MRPL34: variants seen among roughly 807,000 people sequenced by gnomAD.
The protein encoded by MRPL34 is large ribosomal subunit protein bL34m.
Under a neutral mutation model 6.7 loss-of-function variants are expected in MRPL34, and 8 were observed. The observed-to-expected ratio is 1.20, with a 90% CI of 0.70 to 2.16. The LOEUF is 2.16. Among genes scored for constraint, MRPL34 ranks in the 30% most tolerant of loss-of-function variants. The probability of loss-of-function intolerance (pLI) is 0.00; values close to 1 mark genes in which losing one functional copy is unlikely to be tolerated. For synonymous variants in MRPL34, 59 were observed against 55.1 expected (o/e 1.07, Z -0.31); for missense variants, 146 against 125.5 (o/e 1.16, Z -0.78).
upstream of MRPL34, among the ~76,000 whole-genome samples, chr19:17,299,539 G>C (rs1288176620): frequency 2.9e-5 from 4 of 139,322 alleles, no homozygotes; most frequent in African/African-American, 2.7e-5. Flanking sequence ...CCAGCCTGGG[G>C]GACAGAGTGA....
intron 1 of MRPL34, among the ~76,000 whole-genome samples, chr19:17,295,049 G>A (rs1164483156): frequency 1.3e-5 from 2 of 150,250 alleles, no homozygotes; most frequent in African/African-American, 2.5e-5. Context: ...TCAGTCTCCC[G>A]AGTAGCTGAG....
upstream of MRPL34, among the ~76,000 whole-genome samples, chr19:17,305,080 G>A (rs545822088): frequency 2.1e-4 from 32 of 152,284 alleles, no homozygotes; most frequent in Non-Finnish European, 4.0e-4. Flanking sequence ...GGGAACACCA[G>A]GCAGAGAGGA....
chr19:17,292,892 C>T (rs1373582130), intron 1 of MRPL34: 2 of 1,544,652 alleles, frequency 1.3e-6, no homozygotes, highest in Non-Finnish European at 1.8e-6. Flanking sequence ...GGCCAGGCTT[C>T]CCTGGGACTC....
upstream of MRPL34, chr19:17,300,942 G>A (rs1319639953): frequency 1.9e-6 from 3 of 1,613,620 alleles, no homozygotes; most frequent in Non-Finnish European, 2.5e-6. Flanking sequence ...CATAGAAGGT[G>A]TAGGCTGCGG....
intron 1 of MRPL34, chr19:17,297,716 T>C (rs527371334): frequency 6.6e-6 from 1 of 151,692 alleles, no homozygotes; most frequent in African/African-American, 2.4e-5. Context: ...TTCTTTTAGA[T>C]ACTTATGTAA....
intron 1 of MRPL34, chr19:17,297,659 A>C (rs1186482322): frequency 6.6e-6 from 1 of 152,154 alleles, no homozygotes; most frequent in Non-Finnish European, 1.5e-5. Flanking sequence ...ATGTTATATA[A>C]AGAAATATAA....
rs558595241 is a variant in MRPL34 at position 17,293,018 on chromosome 19, A to T, written c.214+164A>T. ...TGGCCTGTAGCCCTGCTGGAACCCAACTAGTATTCAGGCATCCAGCATTTA... is the reference window on the plus strand; with the variant it reads ...TGGCCTGTAGCCCTGCTGGAACCCATCTAGTATTCAGGCATCCAGCATTTA... On this transcript the variant is annotated intron_variant, in intron 1 of 2. Coordinates refer to the MRPL34 transcript ENST00000595444. Among the ~76,000 whole-genome samples the T allele has an allele frequency of 1.5e-3, 221 of 152,076 alleles. 2 individuals are homozygous for T. Among genetic ancestry groups the T allele is most frequent in the Middle Eastern group, 0.01 (3 of 294 alleles).
upstream of MRPL34, among the ~76,000 whole-genome samples, chr19:17,299,242 C>CCG (rs1555720802): frequency 6.1e-5 from 9 of 146,950 alleles, no homozygotes; most frequent in South Asian, 4.4e-4. Flanking sequence ...AGACCCCCCC[C>CCG]CCATTCTCTA....
At chr19:17,305,241 C>CTTTTT (rs34823570), upstream of MRPL34, among the ~76,000 whole-genome samples, 1 of 121,224 alleles carries the variant, frequency 8.2e-6, no homozygotes. Context: ...ATTTTTCTTC[C>CTTTTT]TTTTTTTTTT....
At chr19:17,302,385 A>G (rs1391849599), upstream of MRPL34, among the ~76,000 whole-genome samples, 2 of 152,218 alleles carry the variant, frequency 1.3e-5, no homozygotes, top group African/African-American at 4.8e-5. Context: ...TCATTCAGGT[A>G]TACACTAACT....
At chr19:17,300,884 G>T, upstream of MRPL34, 1 of 1,599,340 alleles carries the variant, frequency 6.3e-7, no homozygotes, top group Non-Finnish European at 8.6e-7. Flanking sequence ...AGCACATTTC[G>T]CTTCTTGGCA....
intron 1 of MRPL34, chr19:17,294,519 G>C: frequency 6.2e-7 from 1 of 1,613,558 alleles, no homozygotes; most frequent in Non-Finnish European, 8.5e-7. Flanking sequence ...TGGTGGTGGA[G>C]GCACCGCTAG....
chr19:17,295,262 C>T (rs999012465), intron 1 of MRPL34, among the ~76,000 whole-genome samples: 3 of 151,930 alleles, frequency 2.0e-5, no homozygotes, highest in African/African-American at 7.3e-5. Context: ...CCCGCCACCG[C>T]GCCCGGCTAA....
rs200349196 is a variant in MRPL34 at position 17,294,633 on chromosome 19, C to G, written c.214+1779C>G. 30 of 1,608,732 alleles carry G rather than the reference C, an allele frequency of 1.9e-5. No individual in the cohort carries two copies. The South Asian group carries it at 2.6e-4, about 14-fold the overall frequency. ...TCCAACTCGAGCAGATGCCTGGGTT[C>G]GCCAGGGCCAGGATCACGGTCTTTG... On this transcript the variant is annotated intron_variant, in intron 1 of 2. Transcript: ENST00000595444.
At chr19:17,298,789 G>A (rs1305189958), upstream of MRPL34, among the ~76,000 whole-genome samples, 2 of 140,356 alleles carry the variant, frequency 1.4e-5, no homozygotes, top group Non-Finnish European at 3.0e-5. Flanking sequence ...TGCTCAGGCT[G>A]GAGTGCAGTG....
Position 17,306,318 on chromosome 19 carries a change from C to A in MRPL34, c.218C>A (p.Pro73Gln). The A allele has an allele frequency of 1.2e-6, 2 of 1,610,368 alleles. No homozygotes were observed. Among genetic ancestry groups the A allele is most frequent in the African/African-American group, 1.3e-5 (1 of 74,996 alleles). Reference protein sequence around the residue: ...KHGWVRRLSTPAGVQVILRRM... With the variant: ...KHGWVRRLSTQAGVQVILRRM... ...GGCTGGGTCCGGCGCCTGAGCACGCCGGCCGGCGTGCAGGTCATCCTTCGC... is the reference window on the plus strand; with the variant it reads ...GGCTGGGTCCGGCGCCTGAGCACGCAGGCCGGCGTGCAGGTCATCCTTCGC... The change falls in exon 2 of 2, where the codon CCG (proline) becomes CAG (glutamine). Residue 73 changes from proline (P) to glutamine (Q), a missense_variant. Coordinates refer to ENST00000252602, the MANE Select transcript of MRPL34 (RefSeq NM_023937.4).
upstream of MRPL34, among the ~76,000 whole-genome samples, chr19:17,300,634 C>T (rs1368213849): frequency 6.6e-6 from 1 of 152,190 alleles, no homozygotes; most frequent in Admixed American, 6.5e-5. Context: ...CGTGCCACCA[C>T]GTCTGGCTAA....
chr19:17,299,436 C>T (rs146319633), upstream of MRPL34, among the ~76,000 whole-genome samples: 1,184 of 151,740 alleles, frequency 7.8e-3, 7 homozygotes, highest in African/African-American at 0.026. Context: ...TAGCGGGTGC[C>T]TGTAGTCCCA....
chr19:17,293,814 C>T (rs1032205841), intron 1 of MRPL34, among the ~76,000 whole-genome samples: 52 of 152,072 alleles, frequency 3.4e-4, no homozygotes, highest in Admixed American at 2.9e-3. Context: ...CCCACTCAGC[C>T]TCCCAAGTTG....
Sources: gnomAD v4.1 joint callset for allele counts (sites outside exome capture counted in the v4.1 genomes callset) on GRCh38, gnomAD v4.1.1 for gene constraint, MANE v1.5 for transcripts, NCBI Gene and HGNC (gene_info 2026-07-23, HGNC 2026-07-21) for gene names.